The following MCU variants were observed in gnomAD, a reference collection of about 807,000 sequenced individuals.
MCU encodes calcium uniporter protein, mitochondrial.
Under a neutral mutation model 45.2 loss-of-function variants are expected in MCU, and 12 were observed. The ratio of observed to expected loss-of-function variants is 0.27; its 90% CI spans 0.17 to 0.43. MCU has a LOEUF of 0.43. Ranked by LOEUF, MCU falls within the 20% of genes least tolerant of loss-of-function variation. MCU has a pLI of 1.00. For missense variants in MCU, 324 were observed against 436.7 expected (o/e 0.74, Z 2.30); for synonymous variants, 160 against 165.1 (o/e 0.97, Z 0.24).
At chr10:72,693,197 TG>T in intron 1 of MCU, 1 of 844,334 alleles carries the variant, frequency 1.2e-6, no homozygotes, top group Non-Finnish European at 1.9e-6. Context: ...TGTGTGTGTG[TG>T]TGAGAGAGAG....
chr10:72,692,954 T>C (rs1257961607), intron 1 of MCU: 2 of 1,533,960 alleles, frequency 1.3e-6, no homozygotes, highest in South Asian at 1.2e-5. Context: ...AGCTTCATCC[T>C]CTTGGGTCCT....
intron 6 of MCU, among the ~76,000 whole-genome samples, chr10:72,873,332 G>A (rs1845575154): frequency 6.6e-6 from 1 of 151,936 alleles, no homozygotes; most frequent in Non-Finnish European, 1.5e-5. Context: ...TTGTGGTTTT[G>A]ATTTGTATTC....
At chr10:72,857,406 A>AT (rs1354658323) in intron 2 of MCU, among the ~76,000 whole-genome samples, 1 of 151,896 alleles carries the variant, frequency 6.6e-6, no homozygotes, top group Non-Finnish European at 1.5e-5. Flanking sequence ...TGCCCAGCTA[A>AT]TTTTTTTATT....
intron 7 of MCU, 90 bp from the exon 8 acceptor site, chr10:72,885,655 G>C: frequency 1.3e-5 from 11 of 814,824 alleles, no homozygotes; most frequent in Non-Finnish European, 2.3e-5. Flanking sequence ...CTGACTTATA[G>C]TAATGGAGAA....
At chr10:72,726,567 G>A (rs141943334) in intron 1 of MCU, among the ~76,000 whole-genome samples, 65 of 151,872 alleles carry the variant, frequency 4.3e-4, no homozygotes, top group African/African-American at 1.4e-3. Context: ...TTATATACAG[G>A]TACGTTTATG....
At chr10:72,712,252 T>C (rs1180180847) in intron 1 of MCU, 1 of 152,216 alleles carries the variant, frequency 6.6e-6, no homozygotes, top group Non-Finnish European at 1.5e-5. Flanking sequence ...CAAAACCAGT[T>C]TTCCTTTTTT....
At chr10:72,824,453 C>A (rs538881623) in intron 1 of MCU, among the ~76,000 whole-genome samples, 1 of 151,616 alleles carries the variant, frequency 6.6e-6, no homozygotes, top group African/African-American at 2.4e-5. Flanking sequence ...AGGAAATCCG[C>A]CTGCCTCAGC....
intron 1 of MCU, among the ~76,000 whole-genome samples, chr10:72,729,600 T>C (rs1332274321): frequency 6.6e-6 from 1 of 152,270 alleles, no homozygotes; most frequent in Admixed American, 6.5e-5. Flanking sequence ...TTTCTGCTTC[T>C]TGCTCACTCT....
At chr10:72,747,714 G>A (rs888775386) in intron 1 of MCU, among the ~76,000 whole-genome samples, 1 of 152,024 alleles carries the variant, frequency 6.6e-6, no homozygotes, top group Non-Finnish European at 1.5e-5. Context: ...ACGTACGCCT[G>A]TGGTCCCAGC....
At chr10:72,813,903 T>G (rs571936432) in intron 1 of MCU, among the ~76,000 whole-genome samples, 86 of 152,362 alleles carry the variant, frequency 5.6e-4, no homozygotes, top group African/African-American at 2.0e-3. Flanking sequence ...GTCTATGTTC[T>G]TCAGGTCTAT....
intron 1 of MCU, among the ~76,000 whole-genome samples, chr10:72,798,407 G>A (rs899393059): frequency 2.0e-5 from 3 of 151,892 alleles, no homozygotes; most frequent in Non-Finnish European, 4.4e-5. Context: ...TTCTCCTGCC[G>A]CAGCCTACCA....
intron 1 of MCU, among the ~76,000 whole-genome samples, chr10:72,798,752 A>G (rs184410769): frequency 1.1e-3 from 172 of 152,172 alleles, no homozygotes; most frequent in African/African-American, 4.0e-3. Flanking sequence ...TAGCAGTTTG[A>G]TATACATTCT....
Position 72,776,869 on chromosome 10 carries a change from T to C in MCU, c.151-57490T>C, listed in dbSNP as rs114062457. ...ACACTGATAAATGAGTTTAGTACAA[T>C]TGCAGGATACAAAATCAACATACAA... On this transcript the variant is annotated intron_variant, in intron 1 of 7. Coordinates refer to ENST00000373053, the MANE Select transcript of MCU (RefSeq NM_138357.3). 3.0e-3 allele frequency among the ~76,000 whole-genome samples: 455 copies of C among 152,304 alleles called. 4 individuals carry two copies. Among genetic ancestry groups the C allele is most frequent in the African/African-American group, 0.01 (427 of 41,570 alleles).
intron 1 of MCU, among the ~76,000 whole-genome samples, chr10:72,749,737 C>G (rs1227480332): frequency 6.6e-6 from 1 of 151,922 alleles, no homozygotes; most frequent in African/African-American, 2.4e-5. Flanking sequence ...TATGGTCACC[C>G]TAGTTAAAGG....
intron 1 of MCU, among the ~76,000 whole-genome samples, chr10:72,729,597 T>C (rs763800015): frequency 3.9e-5 from 6 of 152,258 alleles, no homozygotes; most frequent in South Asian, 2.1e-4. Flanking sequence ...TGGTTTCTGC[T>C]TCTTGCTCAC....
intron 1 of MCU, among the ~76,000 whole-genome samples, chr10:72,716,829 C>T (rs189361647): frequency 1.7e-4 from 26 of 152,148 alleles, no homozygotes; most frequent in Non-Finnish European, 3.4e-4. Context: ...GCTGTGATCA[C>T]GCCATTGTAC....
intron 1 of MCU, among the ~76,000 whole-genome samples, chr10:72,793,577 G>A (rs1406366040): frequency 1.3e-5 from 2 of 152,024 alleles, no homozygotes; most frequent in Non-Finnish European, 2.9e-5. Context: ...GGTTGACTGG[G>A]CCCAGCAAGG....
intron 1 of MCU, among the ~76,000 whole-genome samples, chr10:72,720,330 C>G (rs533846533): frequency 6.6e-6 from 1 of 152,332 alleles, no homozygotes; most frequent in African/African-American, 2.4e-5. Context: ...ATGTAACTTG[C>G]TCAAGCTAGT....
chr10:72,847,884 A>G (rs1845145893), intron 2 of MCU, among the ~76,000 whole-genome samples: 1 of 152,228 alleles, frequency 6.6e-6, no homozygotes, highest in Non-Finnish European at 1.5e-5. Flanking sequence ...TCAAGAAGGT[A>G]CCACTTCTCC....
Sources: gnomAD v4.1 joint callset for allele counts (sites outside exome capture counted in the v4.1 genomes callset) on GRCh38, gnomAD v4.1.1 for gene constraint, MANE v1.5 for transcripts, NCBI Gene and HGNC (gene_info 2026-07-23, HGNC 2026-07-21) for gene names.